The following AUTS2 variants were observed in gnomAD, a reference collection of about 807,000 sequenced individuals.
The protein encoded by AUTS2 is autism susceptibility gene 2 protein.
AUTS2 carries 17 observed loss-of-function variants against 112.4 expected under a neutral mutation model. That is an observed-to-expected ratio of 0.15 (90% CI 0.10 to 0.23). The LOEUF (loss-of-function observed/expected upper bound fraction) is 0.23. Ranked by LOEUF, AUTS2 falls within the 10% of genes least tolerant of loss-of-function variation. The pLI, the probability that AUTS2 is intolerant of heterozygous loss-of-function variation, is 1.00. For missense variants in AUTS2, 1,510 were observed against 1,701.6 expected, an observed-to-expected ratio of 0.89 and a Z score of 1.98; for synonymous variants, 751 against 702.7, an observed-to-expected ratio of 1.07 and a Z score of -1.09.
At chr7:69,891,774 CTTTTTTTTTTTTTTTTTTTTT>C (rs763424098) in intron 1 of AUTS2, among the ~76,000 whole-genome samples, 65 of 26,734 alleles carry the variant, frequency 2.4e-3, no homozygotes, top group African/African-American at 5.4e-3. Context: ...AGACAGATAT[CTTTTTTTTTTTTTTTTTTTTT>C]TTTTTTTTTT....
intron 5 of AUTS2, among the ~76,000 whole-genome samples, chr7:70,473,607 G>T (rs983723820): frequency 4.6e-5 from 7 of 152,054 alleles, no homozygotes; most frequent in African/African-American, 1.7e-4. Context: ...GTTCCTAAAT[G>T]CCTTCCGTAA....
chr7:69,857,215 T>A (rs941608104), intron 1 of AUTS2, among the ~76,000 whole-genome samples: 9 of 152,150 alleles, frequency 5.9e-5, no homozygotes, highest in Non-Finnish European at 1.3e-4. Flanking sequence ...CCCTTTGAAA[T>A]GTCTAATAAA....
intron 2 of AUTS2, among the ~76,000 whole-genome samples, chr7:69,956,095 C>T (rs1484323568): frequency 6.6e-6 from 1 of 151,986 alleles, no homozygotes; most frequent in African/African-American, 2.4e-5. Flanking sequence ...GCAAATCTCA[C>T]TTAGGCCTGG....
chr7:70,788,605 T>A (rs535124756), intron 18 of AUTS2, among the ~76,000 whole-genome samples: 9 of 152,356 alleles, frequency 5.9e-5, no homozygotes, highest in Admixed American at 5.9e-4. Context: ...CCACCAGCCC[T>A]TTGCGTGTTT....
intron 1 of AUTS2, among the ~76,000 whole-genome samples, chr7:69,618,023 C>A (rs1793469726): frequency 6.6e-6 from 1 of 152,190 alleles, no homozygotes; most frequent in African/African-American, 2.4e-5. Context: ...CTAACCCTCA[C>A]AACAACTCTG....
chr7:69,815,994 T>TA (rs1337323705), intron 1 of AUTS2, among the ~76,000 whole-genome samples: 2 of 152,190 alleles, frequency 1.3e-5, no homozygotes, highest in African/African-American at 4.8e-5. Flanking sequence ...TGACTGTCAG[T>TA]ATGAATCTAG....
In AUTS2 at chr7:70,764,609, T is replaced by G. The variant is rs1983487; in HGVS notation, c.1215-143T>G. 0.88 allele frequency: 544,729 copies of G among 617,694 alleles called. 240,710 individuals carry two copies. Among genetic ancestry groups the G allele is most frequent in the Non-Finnish European group, 0.89 (304,458 of 340,296 alleles). The allele number at this position is 617,694 out of a possible 1,614,324, so 38.3% of individuals were successfully genotyped here. Reference sequence around the variant, plus strand: ...GGAGTTGTGATTTCAGAAAGTGTGCTCGTACAGGGAGGATCTGTAAAGAGG... The same window carrying G: ...GGAGTTGTGATTTCAGAAAGTGTGCGCGTACAGGGAGGATCTGTAAAGAGG... On this transcript the variant is annotated intron_variant, in intron 7 of 18. Coordinates refer to ENST00000342771, the MANE Select transcript of AUTS2 (RefSeq NM_015570.4).
At chr7:70,476,578 A>G (rs1797592040) in intron 5 of AUTS2, among the ~76,000 whole-genome samples, 2 of 152,214 alleles carry the variant, frequency 1.3e-5, no homozygotes, top group African/African-American at 4.8e-5. Flanking sequence ...AAGTATGTGT[A>G]TGTTTTAATA....
chr7:70,462,389 T>C (rs1216326425), intron 5 of AUTS2, among the ~76,000 whole-genome samples: 2 of 152,110 alleles, frequency 1.3e-5, no homozygotes, highest in African/African-American at 4.8e-5. Context: ...GGGAGACACA[T>C]GATAAAGCAA....
At chr7:70,287,503 A>T (rs1010939333) in intron 4 of AUTS2, among the ~76,000 whole-genome samples, 1 of 152,236 alleles carries the variant, frequency 6.6e-6, no homozygotes, top group African/African-American at 2.4e-5. Context: ...TAATGAAATT[A>T]AATAAAGATT....
intron 1 of AUTS2, among the ~76,000 whole-genome samples, chr7:69,751,163 A>G (rs1238837231): frequency 6.6e-6 from 1 of 152,182 alleles, no homozygotes; most frequent in African/African-American, 2.4e-5. Context: ...TATTGACTAG[A>G]AAAACATTTC....
chr7:70,540,908 G>C (rs939061983), intron 5 of AUTS2, among the ~76,000 whole-genome samples: 1 of 152,112 alleles, frequency 6.6e-6, no homozygotes, highest in South Asian at 2.1e-4. Context: ...CACCAGGGAG[G>C]GGTTGATCTG....
chr7:70,279,366 A>G (rs758757096), intron 4 of AUTS2, among the ~76,000 whole-genome samples: 10 of 152,246 alleles, frequency 6.6e-5, no homozygotes, highest in Non-Finnish European at 1.3e-4. Flanking sequence ...GACTCCCTGC[A>G]GAAATGAATT....
intron 4 of AUTS2, among the ~76,000 whole-genome samples, chr7:70,303,811 G>C (rs1789357750): frequency 6.6e-6 from 1 of 152,134 alleles, no homozygotes; most frequent in Non-Finnish European, 1.5e-5. Flanking sequence ...CCCAGAGCAA[G>C]AACTACAAAA....
intron 1 of AUTS2, among the ~76,000 whole-genome samples, chr7:69,617,670 T>C (rs984947122): frequency 6.6e-6 from 1 of 152,234 alleles, no homozygotes; most frequent in Non-Finnish European, 1.5e-5. Flanking sequence ...GTCACCCAGC[T>C]GATGTATAAA....
intron 5 of AUTS2, among the ~76,000 whole-genome samples, chr7:70,627,721 A>G (rs568752439): frequency 6.6e-6 from 1 of 152,332 alleles, no homozygotes; most frequent in East Asian, 1.9e-4. Context: ...CAGGGATCCC[A>G]CATGCAATGG....
At chr7:70,162,980 C>T (rs747858049) in intron 4 of AUTS2, among the ~76,000 whole-genome samples, 2 of 152,084 alleles carry the variant, frequency 1.3e-5, no homozygotes, top group African/African-American at 2.4e-5. Flanking sequence ...TTTGTAATTA[C>T]CGCAAAATGT....
chr7:69,950,816 T>C (rs865832973), intron 2 of AUTS2, among the ~76,000 whole-genome samples: 4 of 152,078 alleles, frequency 2.6e-5, no homozygotes, highest in Admixed American at 6.6e-5. Flanking sequence ...CATTTACATA[T>C]TTAGTACAGA....
intron 5 of AUTS2, among the ~76,000 whole-genome samples, chr7:70,589,588 C>T (rs972813410): frequency 3.2e-4 from 48 of 152,132 alleles, no homozygotes; most frequent in Non-Finnish European, 7.4e-5. Flanking sequence ...GTGGCAGACG[C>T]CTGTAATCCC....
Sources: allele counts gnomAD v4.1 joint callset (sites outside exome capture counted in the v4.1 genomes callset), GRCh38; gene constraint gnomAD v4.1.1; transcripts MANE v1.5; gene names NCBI Gene and HGNC (gene_info 2026-07-23, HGNC 2026-07-21).